ADK: variants seen among roughly 807,000 people sequenced by gnomAD.
ADK encodes N6,N6-dimethyladenosine kinase.
Under a neutral mutation model 44.7 loss-of-function variants are expected in ADK, and 24 were observed. That is an observed-to-expected ratio of 0.54 (90% confidence interval 0.39 to 0.76). ADK has a LOEUF of 0.76. Among genes scored for constraint, ADK ranks in the 30% least tolerant of loss-of-function variants. The pLI is 0.00. For missense variants in ADK, 321 were observed against 425.1 expected (o/e 0.76, Z 2.15); for synonymous variants, 128 against 142.6 (o/e 0.90, Z 0.73).
chr10:74,202,450 T>C (rs1843430253), intron 2 of ADK, among the ~76,000 whole-genome samples: 1 of 152,198 alleles, frequency 6.6e-6, no homozygotes, highest in Admixed American at 6.5e-5. Context: ...TGTGTAGGAA[T>C]GTGTTTTCAT....
chr10:74,444,760 G>A (rs1845538268), intron 6 of ADK, among the ~76,000 whole-genome samples: 1 of 151,928 alleles, frequency 6.6e-6, no homozygotes, highest in Non-Finnish European at 1.5e-5. Flanking sequence ...GTGAGTTCAG[G>A]GGTGATGGTC....
Position 74,600,290 on chromosome 10 carries a change from G to T in ADK, c.763-89G>T. On this transcript the variant is annotated intron_variant, in intron 8 of 10. Coordinates refer to ENST00000539909, the MANE Select transcript of ADK (RefSeq NM_006721.4). ...AATAGATATGCAGGTCTCTTATTTT[G>T]ATCAATAGAAGCTAAATTGTTAATC... 3 of 813,388 alleles carry T rather than the reference G, an allele frequency of 3.7e-6. No individual in the cohort carries two copies. In the South Asian group the frequency reaches 4.4e-5, roughly 12 times the overall value. 50.4% of individuals were successfully genotyped at this position (813,388 alleles called of 1,614,324 possible). A position where few individuals can be genotyped will look rare whatever the true frequency, so the allele number is the denominator to read the frequency against.
intron 3 of ADK, among the ~76,000 whole-genome samples, chr10:74,248,809 C>T (rs1845532799): frequency 6.6e-6 from 1 of 152,186 alleles, no homozygotes; most frequent in Admixed American, 6.5e-5. Context: ...ACCATGATCA[C>T]TGACATCAAT....
chr10:74,280,776 TTCTTG>T (rs1438511003), intron 3 of ADK, among the ~76,000 whole-genome samples: 2 of 152,312 alleles, frequency 1.3e-5, no homozygotes, highest in East Asian at 3.9e-4. Flanking sequence ...TTTTTTGTTT[TTCTTG>T]TCTTTCAGAG....
At chr10:74,232,344 C>T (rs1844796649) in intron 3 of ADK, among the ~76,000 whole-genome samples, 1 of 151,848 alleles carries the variant, frequency 6.6e-6, no homozygotes, top group Admixed American at 6.6e-5. Flanking sequence ...CGTGGCGAAA[C>T]CCTGTCTCTA....
chr10:74,664,702 G>A (rs894536474), intron 9 of ADK, among the ~76,000 whole-genome samples: 3 of 152,082 alleles, frequency 2.0e-5, no homozygotes, highest in African/African-American at 7.2e-5. Flanking sequence ...AATTAGCCGG[G>A]CATGGTGGTA....
At chr10:74,302,105 GTTTGTTTTTTTTTTTTTT>G (rs1840066864) in intron 3 of ADK, among the ~76,000 whole-genome samples, 1 of 88,932 alleles carries the variant, frequency 1.1e-5, no homozygotes, top group Non-Finnish European at 2.0e-5. Flanking sequence ...TTTTTTGTTT[GTTTGTTTTTTTTTTTTTT>G]TTTTTTTTTT....
intron 3 of ADK, among the ~76,000 whole-genome samples, chr10:74,273,729 A>T (rs1490916446): frequency 2.6e-5 from 4 of 152,190 alleles, no homozygotes; most frequent in African/African-American, 9.7e-5. Context: ...AAGTGCTGGG[A>T]TTACAGGCGT....
intron 9 of ADK, among the ~76,000 whole-genome samples, chr10:74,632,241 A>G (rs1310265876): frequency 1.3e-5 from 2 of 152,154 alleles, no homozygotes; most frequent in Non-Finnish European, 2.9e-5. Context: ...CTTTCACTTA[A>G]CATAATGTTT....
intron 6 of ADK, among the ~76,000 whole-genome samples, chr10:74,438,570 T>C (rs1434365440): frequency 6.6e-6 from 1 of 152,144 alleles, no homozygotes; most frequent in Non-Finnish European, 1.5e-5. Flanking sequence ...GCAACCAGCA[T>C]AGTGCCTGGT....
chr10:74,637,105 A>G (rs574884598), intron 9 of ADK, among the ~76,000 whole-genome samples: 6 of 152,340 alleles, frequency 3.9e-5, no homozygotes, highest in Non-Finnish European at 5.9e-5. Context: ...GATAAACCCA[A>G]TAGTAAGAAT....
chr10:74,192,376 C>T (rs1288937715), intron 1 of ADK, among the ~76,000 whole-genome samples: 1 of 151,982 alleles, frequency 6.6e-6, no homozygotes, highest in Non-Finnish European at 1.5e-5. Context: ...TACAGGCGCA[C>T]ACTACCACAC....
intron 6 of ADK, among the ~76,000 whole-genome samples, chr10:74,494,180 C>T (rs2133411348): frequency 6.6e-6 from 1 of 152,066 alleles, no homozygotes; most frequent in South Asian, 2.1e-4. Flanking sequence ...AGAGCAATAC[C>T]CTGCCCTGTA....
At chr10:74,407,912 G>C (rs963910470) in intron 6 of ADK, among the ~76,000 whole-genome samples, 7 of 152,032 alleles carry the variant, frequency 4.6e-5, no homozygotes, top group Non-Finnish European at 8.8e-5. Flanking sequence ...ATAGTGGCTG[G>C]AAGTGCAAAT....
intron 9 of ADK, among the ~76,000 whole-genome samples, chr10:74,614,906 C>T (rs1852692923): frequency 6.6e-6 from 1 of 152,116 alleles, no homozygotes; most frequent in South Asian, 2.1e-4. Context: ...TGTATAATAA[C>T]CTATGTATAC....
At chr10:74,519,959 A>G (rs1446932060) in intron 6 of ADK, among the ~76,000 whole-genome samples, 1 of 151,856 alleles carries the variant, frequency 6.6e-6, no homozygotes, top group African/African-American at 2.4e-5. Context: ...TAAGCTTCAA[A>G]GTTTTTCCCA....
chr10:74,505,037 CT>C, intron 6 of ADK, among the ~76,000 whole-genome samples: 1 of 152,044 alleles, frequency 6.6e-6, no homozygotes, highest in Admixed American at 6.5e-5. Context: ...ACTGAGCAGG[CT>C]GAAGAGGAGG....
At chr10:74,239,508 C>T (rs951145754) in intron 3 of ADK, among the ~76,000 whole-genome samples, 2 of 151,742 alleles carry the variant, frequency 1.3e-5, no homozygotes, top group Non-Finnish European at 2.9e-5. Flanking sequence ...CCCAGCAGTT[C>T]GAGACCAAAC....
At chr10:74,275,944 A>G (rs1159603732) in intron 3 of ADK, among the ~76,000 whole-genome samples, 2 of 152,138 alleles carry the variant, frequency 1.3e-5, no homozygotes, top group Non-Finnish European at 2.9e-5. Flanking sequence ...CCCAGCCCTT[A>G]GAAACATTCT....
Sources: allele counts gnomAD v4.1 joint callset (sites outside exome capture counted in the v4.1 genomes callset), GRCh38; gene constraint gnomAD v4.1.1; transcripts MANE v1.5; gene names NCBI Gene and HGNC (gene_info 2026-07-23, HGNC 2026-07-21).